Variants in CHIC2 observed in about 807,000 individuals in gnomAD.
CHIC2 encodes cysteine rich hydrophobic domain 2, also known as cysteine-rich hydrophobic domain-containing protein 2.
Under a neutral mutation model 25.9 loss-of-function variants are expected in CHIC2, and 14 were observed. The observed-to-expected ratio is 0.54, with a 90% confidence interval of 0.36 to 0.85. The LOEUF (loss-of-function observed/expected upper bound fraction) is 0.85, where lower values mean the gene tolerates loss of function less well. Ranked by LOEUF, CHIC2 falls within the 40% of genes least tolerant of loss-of-function variation. The probability of loss-of-function intolerance (pLI) is 0.01; values close to 1 mark genes in which losing one functional copy is unlikely to be tolerated. For synonymous variants in CHIC2, 70 were observed against 72.0 expected (o/e 0.97, Z 0.14); for missense variants, 146 against 202.0 (o/e 0.72, Z 1.68).
the CHIC2 span, among the ~76,000 whole-genome samples, chr4:54,071,080 G>A: frequency 3.5e-3 from 540 of 152,266 alleles, 3 homozygotes; most frequent in Non-Finnish European, 5.0e-3. Context: ...GATCCTCTTC[G>A]CCTTCCATAC....
chr4:54,047,755 T>A (rs1045924324), intron 3 of CHIC2, among the ~76,000 whole-genome samples: 2 of 151,844 alleles, frequency 1.3e-5, no homozygotes, highest in East Asian at 3.9e-4. Context: ...CATATGTAAC[T>A]AACCTGCACG....
At chr4:54,034,406 A>G (rs986062531) in intron 3 of CHIC2, among the ~76,000 whole-genome samples, 1 of 56,458 alleles carries the variant, frequency 1.8e-5, no homozygotes, top group African/African-American at 1.2e-4. Context: ...CTCTGTCTCA[A>G]AAAAAAAAAA....
chr4:54,022,026 GA>G (rs1159545172), intron 3 of CHIC2, among the ~76,000 whole-genome samples: 1 of 152,162 alleles, frequency 6.6e-6, no homozygotes, highest in Admixed American at 6.5e-5. Flanking sequence ...CCAAACACCT[GA>G]AGTGCAGCTG....
intron 5 of CHIC2, among the ~76,000 whole-genome samples, chr4:54,013,104 T>C (rs1298253715): frequency 1.3e-5 from 2 of 152,094 alleles, no homozygotes; most frequent in Non-Finnish European, 2.9e-5. Context: ...AGTAATAACC[T>C]GGCCATATTT....
chr4:54,070,174 G>A, the CHIC2 span, among the ~76,000 whole-genome samples: 1 of 152,190 alleles, frequency 6.6e-6, no homozygotes, highest in African/African-American at 2.4e-5. Context: ...TAAAGACCTT[G>A]AAGTAGAAAA....
chr4:54,013,956 C>A (rs1479305573), intron 4 of CHIC2, 60 bp from the exon 5 acceptor site: 9 of 1,596,804 alleles, frequency 5.6e-6, no homozygotes, highest in African/African-American at 1.3e-5. Context: ...AGCACACAGA[C>A]TAACCCATTT....
intron 1 of CHIC2, chr4:54,060,288 C>T (rs1033532712): frequency 6.6e-6 from 1 of 151,984 alleles, no homozygotes; most frequent in Admixed American, 6.6e-5. Context: ...TGAAAACAAG[C>T]AAAAAGTGGT....
intron 3 of CHIC2, 57 bp from the exon 4 acceptor site, chr4:54,014,176 T>C: frequency 1.3e-6 from 2 of 1,488,314 alleles, no homozygotes; most frequent in Non-Finnish European, 1.9e-6. Context: ...AACTTTGTTT[T>C]GCAGCTGCTT....
chr4:54,081,245 C>T, the CHIC2 span, among the ~76,000 whole-genome samples: 1 of 151,688 alleles, frequency 6.6e-6, no homozygotes, highest in Non-Finnish European at 1.5e-5. Flanking sequence ...CTGCCTTAGC[C>T]TCCCAAGTAG....
At chr4:54,030,409 C>A (rs1363199884) in intron 3 of CHIC2, among the ~76,000 whole-genome samples, 1 of 151,092 alleles carries the variant, frequency 6.6e-6, no homozygotes. Flanking sequence ...TACAGTCCCG[C>A]CTACTTGGGA....
At chr4:54,084,929 C>T in the CHIC2 span, among the ~76,000 whole-genome samples, 1 of 138,904 alleles carries the variant, frequency 7.2e-6, no homozygotes, top group Non-Finnish European at 1.5e-5. Context: ...CACTAAACTC[C>T]AGCCTGGGAG....
the CHIC2 span, among the ~76,000 whole-genome samples, chr4:54,089,288 A>G: frequency 8.5e-5 from 13 of 152,124 alleles, no homozygotes; most frequent in South Asian, 2.1e-4. Flanking sequence ...CTCAATAATG[A>G]AATCCAATCT....
chr4:54,037,947 A>C (rs1028039953), intron 3 of CHIC2, among the ~76,000 whole-genome samples: 19 of 152,116 alleles, frequency 1.2e-4, no homozygotes, highest in African/African-American at 2.4e-5. Context: ...AAGAAAAGAC[A>C]AATCAATGAC....
rs1717443927 is a variant in CHIC2, at chr4:54,064,407, G to T, written c.-107C>A. 2 of 1,540,398 alleles carry T rather than the reference G, an allele frequency of 1.3e-6. No individual in the cohort carries two copies. Among genetic ancestry groups the T allele is most frequent in the East Asian group, 2.4e-5 (1 of 41,070 alleles). ...CTGAGGGGAGTCGCCGCTGCCGCCG[G>T]CTCCGAGGCCGCGGAGTTCGCTGTC... On this transcript the variant is annotated 5_prime_UTR_variant, in exon 1 of 6. Transcript: ENST00000263921. The surrounding 1 kb of genome is among the most constrained non-coding windows in gnomAD (Gnocchi z 4.2).
intron 1 of CHIC2, among the ~76,000 whole-genome samples, chr4:54,062,466 G>A (rs1192644835): frequency 6.6e-6 from 1 of 152,048 alleles, no homozygotes; most frequent in East Asian, 1.9e-4. Context: ...GGATTCTAAT[G>A]GACAGCTAAG....
At chr4:54,066,625 C>CT (rs533491447), upstream of CHIC2, among the ~76,000 whole-genome samples, 15,445 of 133,722 alleles carry the variant, frequency 0.12, 2,640 homozygotes, top group African/African-American at 0.37. Context: ...TCCTGAATGT[C>CT]TTTTTTTTTT....
chr4:54,089,414 T>TAC, the CHIC2 span, among the ~76,000 whole-genome samples: 37 of 117,876 alleles, frequency 3.1e-4, 1 homozygote, highest in East Asian at 1.1e-3. Context: ...TATATATATA[T>TAC]ACACACACAT....
intron 3 of CHIC2, among the ~76,000 whole-genome samples, chr4:54,021,546 G>A (rs924746991): frequency 2.0e-5 from 3 of 152,022 alleles, no homozygotes; most frequent in African/African-American, 7.2e-5. Flanking sequence ...CACCCATTCT[G>A]GCTTACAGTT....
chr4:54,079,608 C>T, the CHIC2 span, among the ~76,000 whole-genome samples: 1 of 151,840 alleles, frequency 6.6e-6, no homozygotes, highest in Admixed American at 6.6e-5. Context: ...AGGCAAAGGA[C>T]CAGAATAGAC....
Sources: allele counts gnomAD v4.1 joint callset (sites outside exome capture counted in the v4.1 genomes callset), GRCh38; gene constraint gnomAD v4.1.1; non-coding constraint Gnocchi (gnomAD v3.1); transcripts MANE v1.5; gene names NCBI Gene and HGNC (gene_info 2026-07-23, HGNC 2026-07-21).